Variants in LIMCH1 observed in about 807,000 individuals in gnomAD.
LIMCH1 encodes LIM and calponin homology domains-containing protein 1.
In LIMCH1, 113 loss-of-function variants were observed where a neutral mutation model predicts 176.5. The ratio of observed to expected loss-of-function variants is 0.64; its 90% confidence interval spans 0.55 to 0.75. The LOEUF is 0.75. LIMCH1 is among the 30% of genes least tolerant of loss of function. The probability of loss-of-function intolerance (pLI) is 0.00; values close to 1 mark genes in which losing one functional copy is unlikely to be tolerated. For missense variants in LIMCH1, 1,674 were observed against 1,814.9 expected (o/e 0.92, Z 1.41); for synonymous variants, 619 against 645.9 (o/e 0.96, Z 0.63).
intron 28 of LIMCH1, among the ~76,000 whole-genome samples, chr4:41,686,388 A>G (rs560525091): frequency 7.2e-5 from 11 of 152,282 alleles, no homozygotes; most frequent in Non-Finnish European, 1.2e-4. Flanking sequence ...TGTTCCTGCC[A>G]TTTTACAGAC....
At chr4:41,647,864 G>A (rs916345656) in intron 17 of LIMCH1, among the ~76,000 whole-genome samples, 2 of 152,248 alleles carry the variant, frequency 1.3e-5, no homozygotes, top group Non-Finnish European at 2.9e-5. Context: ...TGTCCAGACT[G>A]TCTCATCTGG....
At chr4:41,474,699 A>G (rs528596667) in intron 1 of LIMCH1, among the ~76,000 whole-genome samples, 2 of 152,338 alleles carry the variant, frequency 1.3e-5, no homozygotes, top group South Asian at 4.1e-4. Context: ...GATCTGGAGA[A>G]CGGGAACCCT....
intron 1 of LIMCH1, among the ~76,000 whole-genome samples, chr4:41,459,496 C>T (rs569976428): frequency 1.8e-4 from 28 of 152,226 alleles, no homozygotes; most frequent in Non-Finnish European, 3.5e-4. Flanking sequence ...AAGACGAGGT[C>T]TCACCCTGTT....
intron 7 of LIMCH1, among the ~76,000 whole-genome samples, chr4:41,621,736 T>C (rs971887471): frequency 2.0e-5 from 3 of 151,044 alleles, no homozygotes; most frequent in African/African-American, 7.4e-5. Flanking sequence ...GTGGCTGATA[T>C]ACCCATCTTC....
chr4:41,637,784 G>T (rs1312693563), intron 13 of LIMCH1, among the ~76,000 whole-genome samples: 3 of 152,162 alleles, frequency 2.0e-5, no homozygotes, highest in Non-Finnish European at 4.4e-5. Context: ...AGAGAAGGGG[G>T]TATGTGTGTG....
intron 25 of LIMCH1, among the ~76,000 whole-genome samples, chr4:41,681,988 C>A (rs1716371569): frequency 6.6e-6 from 1 of 152,172 alleles, no homozygotes; most frequent in African/African-American, 2.4e-5. Context: ...AAGTACAGGG[C>A]AGAAGTTATA....
At chr4:41,449,775 A>T (rs1250194185) in intron 1 of LIMCH1, among the ~76,000 whole-genome samples, 5 of 152,230 alleles carry the variant, frequency 3.3e-5, no homozygotes, top group African/African-American at 1.2e-4. Context: ...GCTGTAACAA[A>T]CTACCACCAA....
chr4:41,464,249 C>T (rs2065783423), intron 1 of LIMCH1, among the ~76,000 whole-genome samples: 1 of 151,812 alleles, frequency 6.6e-6, no homozygotes, highest in Admixed American at 6.6e-5. Context: ...ACTCTTCCTC[C>T]ACTGGGCTGT....
At chr4:41,360,689 G>A (rs1200516288), upstream of LIMCH1, 2 of 387,452 alleles carry the variant, frequency 5.2e-6, no homozygotes, top group Non-Finnish European at 8.7e-6. This position sits in a 1 kb window ranked among gnomAD's most constrained non-coding sequence, Gnocchi z 4.5. Flanking sequence ...CTCTAGCAGC[G>A]CGCGGCTCTC....
intron 5 of LIMCH1, among the ~76,000 whole-genome samples, chr4:41,618,096 A>G (rs566790083): frequency 6.6e-6 from 1 of 152,346 alleles, no homozygotes; most frequent in Admixed American, 6.5e-5. Flanking sequence ...CCAGGATGCC[A>G]CATCTCCTGG....
intron 20 of LIMCH1, 111 bp from the exon 21 acceptor site, chr4:41,666,450 G>C (rs942289214): frequency 1.1e-5 from 7 of 655,310 alleles, no homozygotes; most frequent in Non-Finnish European, 1.9e-5. Flanking sequence ...AATGTTAACT[G>C]TTTGAACTGA....
chr4:41,633,791 ACC>A lies in LIMCH1; in HGVS notation c.2075_2076del (p.Pro692HisfsTer14). The A allele has an allele frequency of 1.3e-6, 2 of 1,536,124 alleles. No homozygotes were observed. The highest frequency in any genetic ancestry group is 1.2e-5 in the South Asian group (1 of 84,060). ...ATGTGGAAGAATCTTCTAAAGGTCTACCCATGAAAGATCAGAGGTCAGAAAGT... is the reference window on the plus strand; with the variant it reads ...ATGTGGAAGAATCTTCTAAAGGTCTACATGAAAGATCAGAGGTCAGAAAGT... ...QDVEESSKGL[P>X]MKDQRYGPRT... On this transcript the variant is annotated frameshift_variant, in exon 13 of 32. Coordinates refer to ENST00000503057, the MANE Select transcript of LIMCH1 (RefSeq NM_001330672.2). LOFTEE classifies it high-confidence loss of function.
chr4:41,436,024 A>G (rs921631871), intron 1 of LIMCH1, among the ~76,000 whole-genome samples: 1 of 152,234 alleles, frequency 6.6e-6, no homozygotes, highest in African/African-American at 2.4e-5. Context: ...TTCCACTTTC[A>G]ATGATACAGG....
chr4:41,508,471 G>A (rs1228613002), intron 2 of LIMCH1, among the ~76,000 whole-genome samples: 1 of 152,110 alleles, frequency 6.6e-6, no homozygotes, highest in African/African-American at 2.4e-5. Context: ...TGGGGATGAG[G>A]GCCTGGCTCT....
chr4:41,390,239 G>GGAGAGAGAGAGAGAGAGA, intron 1 of LIMCH1, among the ~76,000 whole-genome samples: 1 of 138,432 alleles, frequency 7.2e-6, no homozygotes, highest in East Asian at 2.1e-4. Flanking sequence ...TCTCTCTCAG[G>GGAGAGAGAGAGAGAGAGA]GAGAGAGAGA....
At chr4:41,514,297 C>G (rs1208832678) in intron 2 of LIMCH1, among the ~76,000 whole-genome samples, 1 of 152,030 alleles carries the variant, frequency 6.6e-6, no homozygotes, top group Non-Finnish European at 1.5e-5. Flanking sequence ...AATAGGGAAG[C>G]CAAAGAGTGT....
chr4:41,632,275 T>C (rs2093365110), intron 10 of LIMCH1, among the ~76,000 whole-genome samples: 1 of 152,210 alleles, frequency 6.6e-6, no homozygotes, highest in African/African-American at 2.4e-5. Flanking sequence ...GAAGAAGTGT[T>C]CATAGCATTC....
At chr4:41,573,375 G>T (rs113980859) in intron 1 of LIMCH1, among the ~76,000 whole-genome samples, 1 of 152,160 alleles carries the variant, frequency 6.6e-6, no homozygotes, top group East Asian at 1.9e-4. Flanking sequence ...ATAAAATCAT[G>T]CATAGCAGTC....
intron 1 of LIMCH1, among the ~76,000 whole-genome samples, chr4:41,540,183 T>G (rs2152470627): frequency 6.6e-6 from 1 of 152,296 alleles, no homozygotes; most frequent in Admixed American, 6.5e-5. Flanking sequence ...CTTATGTGGT[T>G]TTCATGAAGA....
Sources: gnomAD v4.1 joint callset for allele counts (sites outside exome capture counted in the v4.1 genomes callset) on GRCh38, gnomAD v4.1.1 for gene constraint, Gnocchi (gnomAD v3.1) non-coding constraint, MANE v1.5 for transcripts, NCBI Gene and HGNC (gene_info 2026-07-23, HGNC 2026-07-21) for gene names.